The following SYNJ2 variants were observed in gnomAD, a reference collection of about 807,000 sequenced individuals.
SYNJ2 encodes synaptojanin 2.
SYNJ2 carries 116 observed loss-of-function variants against 141.3 expected under a neutral mutation model. The ratio of observed to expected loss-of-function variants is 0.82; its 90% CI spans 0.71 to 0.96. SYNJ2 has a LOEUF of 0.96. Among genes scored for constraint, SYNJ2 ranks in the 40% least tolerant of loss-of-function variants. SYNJ2 has a pLI of 0.00. For missense variants in SYNJ2, 1,873 were observed against 1,934.8 expected (o/e 0.97, Z 0.60); for synonymous variants, 745 against 777.7 (o/e 0.96, Z 0.70).
chr6:158,095,140 C>G (rs866277814), intron 26 of SYNJ2, among the ~76,000 whole-genome samples: 19 of 149,774 alleles, frequency 1.3e-4, no homozygotes, highest in Middle Eastern at 3.4e-3. Flanking sequence ...CAGGGCGAGA[C>G]TCCTTCTCAA....
intron 5 of SYNJ2, among the ~76,000 whole-genome samples, chr6:158,052,975 G>A (rs1488118018): frequency 6.6e-6 from 1 of 152,122 alleles, no homozygotes; most frequent in East Asian, 1.9e-4. Context: ...TGCATTTTGT[G>A]GTCATGTCTC....
At chr6:157,994,066 C>T (rs971307975) in intron 1 of SYNJ2, among the ~76,000 whole-genome samples, 1 of 151,976 alleles carries the variant, frequency 6.6e-6, no homozygotes, top group Non-Finnish European at 1.5e-5. Flanking sequence ...CCACCTGCCT[C>T]GGACTTCAAA....
chr6:158,081,732 C>A (rs563853214), intron 20 of SYNJ2, among the ~76,000 whole-genome samples: 30 of 149,410 alleles, frequency 2.0e-4, no homozygotes, highest in African/African-American at 7.1e-4. Context: ...AGCAATCCTC[C>A]CATCTCAGCC....
chr6:158,069,801 A>T, intron 14 of SYNJ2, 128 bp downstream of exon 14: 2 of 1,208,976 alleles, frequency 1.7e-6, no homozygotes, highest in Non-Finnish European at 2.2e-6. Context: ...ATTATTTTAG[A>T]TAAATGTAGC....
rs568955108 is a variant in SYNJ2, at chr6:158,049,447, C to T, written c.796-5520C>T. The stretch of plus-strand genomic sequence containing the variant: ...AAGGAACCCAGACAAAAGGGATGCA[C>T]GGGGTGACGGAGGAAGGGTGAGCTC... On this transcript the variant is annotated intron_variant, in intron 5 of 26. Coordinates refer to ENST00000355585, the MANE Select transcript of SYNJ2 (RefSeq NM_003898.4). 3.3e-4 allele frequency among the ~76,000 whole-genome samples: 50 copies of T among 152,234 alleles called. No homozygotes were observed. In the South Asian group the frequency reaches 4.6e-3, roughly 14 times the overall value.
intron 1 of SYNJ2, among the ~76,000 whole-genome samples, chr6:158,010,599 C>A (rs531593565): frequency 3.9e-5 from 6 of 152,314 alleles, no homozygotes; most frequent in African/African-American, 1.2e-4. Flanking sequence ...AGTGTTTGGG[C>A]TGAATTGTGT....
chr6:158,083,815 A>G lies in SYNJ2; in HGVS notation c.3035-186A>G, dbSNP rs1744174. On this transcript the variant is annotated intron_variant, in intron 21 of 26. Transcript: ENST00000355585. ...TAAACTTAGGCTACAAACAGTGGCT[A>G]TGAGGATATCAGGGCTGTGGGTGTA... Among the ~76,000 whole-genome samples, 19,676 of 152,244 alleles carry G rather than the reference A, an allele frequency of 0.13. 1,532 individuals are homozygous for G. Among genetic ancestry groups the G allele is most frequent in the African/African-American group, 0.21 (8,915 of 41,542 alleles).
intron 16 of SYNJ2, among the ~76,000 whole-genome samples, chr6:158,076,008 T>C (rs1358773146): frequency 1.3e-5 from 2 of 152,056 alleles, no homozygotes; most frequent in African/African-American, 4.8e-5. Context: ...CTGGGAAACA[T>C]AGGGAGACTT....
intron 2 of SYNJ2, chr6:158,017,491 C>T (rs1336601260): frequency 1.5e-6 from 1 of 686,728 alleles, no homozygotes; most frequent in African/African-American, 1.8e-5. Context: ...CTCGGCTCAC[C>T]ACAACCTCTG....
intron 4 of SYNJ2, among the ~76,000 whole-genome samples, chr6:158,038,804 G>A (rs975397808): frequency 3.3e-5 from 5 of 152,236 alleles, no homozygotes; most frequent in African/African-American, 4.8e-5. Flanking sequence ...GGTGGTGTTC[G>A]GCTGGTGACC....
intron 2 of SYNJ2, 151 bp from the exon 3 acceptor site, chr6:158,028,605 C>A: frequency 9.9e-7 from 1 of 1,007,282 alleles, no homozygotes; most frequent in Non-Finnish European, 1.5e-6. Context: ...GGTTCTTGAG[C>A]CATTGAGTTG....
intron 1 of SYNJ2, among the ~76,000 whole-genome samples, chr6:157,986,043 C>CT (rs34099436): frequency 6.6e-6 from 1 of 152,194 alleles, no homozygotes; most frequent in Non-Finnish European, 1.5e-5. Flanking sequence ...GCCTAGATCA[C>CT]TTTCTCAGGC....
Position 158,088,783 on chromosome 6 carries a change from C to T in SYNJ2, c.3456+11C>T. The stretch of plus-strand genomic sequence containing the variant: ...GCACCTCAGCAACCTGTGAGTTCTT[C>T]TGCATACATTTCAATCCCAAGGGTT... On this transcript the variant is annotated intron_variant, in intron 24 of 26. Coordinates refer to ENST00000355585, the MANE Select transcript of SYNJ2 (RefSeq NM_003898.4). 2 of 1,588,200 alleles carry T rather than the reference C, an allele frequency of 1.3e-6. No individual in the cohort carries two copies. Among genetic ancestry groups the T allele is most frequent in the Non-Finnish European group, 1.7e-6 (2 of 1,156,738 alleles).
chr6:158,023,407 A>G (rs546320384), intron 2 of SYNJ2, among the ~76,000 whole-genome samples: 1 of 152,284 alleles, frequency 6.6e-6, no homozygotes, highest in South Asian at 2.1e-4. Context: ...TGGGTCAGGT[A>G]GGCAGGGCGG....
rs186277882 is a variant in SYNJ2, at chr6:158,070,911, G to A, written c.1941-691G>A. 1.8e-3 allele frequency among the ~76,000 whole-genome samples: 281 copies of A among 152,298 alleles called. No individual in the cohort carries two copies. Among genetic ancestry groups the A allele is most frequent in the African/African-American group, 6.2e-3 (259 of 41,560 alleles). ...TTAAAGTGCATTGATTGCTGGGCAC[G>A]GTGTCTCACGCCTGTAATCCCAGCA... On this transcript the variant is annotated intron_variant, in intron 14 of 26. Coordinates refer to ENST00000355585, the MANE Select transcript of SYNJ2 (RefSeq NM_003898.4). The surrounding 1 kb of genome is among the most constrained non-coding windows in gnomAD (Gnocchi z 4.0).
chr6:158,004,135 A>T (rs1419353820), intron 1 of SYNJ2, among the ~76,000 whole-genome samples: 1 of 152,010 alleles, frequency 6.6e-6, no homozygotes, highest in East Asian at 1.9e-4. Flanking sequence ...TTAACCCTTG[A>T]CCCCACACGC....
intron 5 of SYNJ2, among the ~76,000 whole-genome samples, chr6:158,044,688 A>G (rs897249346): frequency 1.3e-5 from 2 of 152,154 alleles, no homozygotes; most frequent in African/African-American, 4.8e-5. Context: ...TTGTGTAACC[A>G]CCACTGTAAT....
chr6:158,004,440 C>T (rs1403545942), intron 1 of SYNJ2, among the ~76,000 whole-genome samples: 2 of 152,162 alleles, frequency 1.3e-5, no homozygotes, highest in Non-Finnish European at 2.9e-5. Context: ...GACACTCGCA[C>T]CAGCACCATG....
rs898877089 is a variant in SYNJ2, at chr6:158,096,490, G to A, written c.*126G>A. 15 of 1,150,568 alleles carry A rather than the reference G, an allele frequency of 1.3e-5. No homozygotes were observed. In the East Asian group the frequency reaches 1.5e-4, roughly 12 times the overall value. 71.3% of individuals were successfully genotyped at this position (1,150,568 alleles called of 1,614,324 possible). The stretch of plus-strand genomic sequence containing the variant: ...AAACGTTTGTGCATCTGTCACTCTC[G>A]TGTAGTTTACAAAAATCGTGTCTCT... On this transcript the variant is annotated 3_prime_UTR_variant, in exon 27 of 27. Transcript: ENST00000355585.
Sources: allele counts gnomAD v4.1 joint callset (sites outside exome capture counted in the v4.1 genomes callset), GRCh38; gene constraint gnomAD v4.1.1; non-coding constraint Gnocchi (gnomAD v3.1); transcripts MANE v1.5; gene names NCBI Gene and HGNC (gene_info 2026-07-23, HGNC 2026-07-21).